Variants in BRCA1 observed in about 807,000 individuals in gnomAD.
BRCA1 encodes breast cancer type 1 susceptibility protein.
Under a neutral mutation model 173.7 loss-of-function variants are expected in BRCA1, and 140 were observed. The ratio of observed to expected loss-of-function variants is 0.81; its 90% confidence interval spans 0.70 to 0.93. The LOEUF (loss-of-function observed/expected upper bound fraction) is 0.93. Among genes scored for constraint, BRCA1 ranks in the 40% least tolerant of loss-of-function variants. The probability of loss-of-function intolerance (pLI) is 0.00; values close to 1 mark genes in which losing one functional copy is unlikely to be tolerated. For synonymous variants in BRCA1, 662 were observed against 756.0 expected, an observed-to-expected ratio of 0.88 and a Z score of 2.04; for missense variants, 1,983 against 2,172.5, an observed-to-expected ratio of 0.91 and a Z score of 1.73.
At chr17:43,082,999 T>C (rs2053088117) in intron 11 of BRCA1, among the ~76,000 whole-genome samples, 1 of 152,284 alleles carries the variant, frequency 6.6e-6, no homozygotes, top group Middle Eastern at 3.4e-3. Flanking sequence ...TTAGTTCATA[T>C]AAAAATGTGT....
In BRCA1 at chr17:43,067,836, ATTTTTTT is replaced by A. The variant is rs11421283; in HGVS notation, c.4987-148_4987-142del. ...CGTGTCCTGGAACTATTTAAAGTGAATTTTTTTTTTTTTTTTTTTAGACAGAGTCTTG... is the reference window on the plus strand; with the variant it reads ...CGTGTCCTGGAACTATTTAAAGTGAATTTTTTTTTTTTAGACAGAGTCTTG... On this transcript the variant is annotated intron_variant, in intron 15 of 22. Transcript: ENST00000357654. 9.3e-5 allele frequency: 20 copies of A among 215,598 alleles called. No individual in the cohort carries two copies. The East Asian group carries it at 1.0e-3, about 11-fold the overall frequency. 13.4% of individuals were successfully genotyped at this position (215,598 alleles called of 1,614,324 possible).
At chr17:43,126,012 G>A (rs1327730209), upstream of BRCA1, among the ~76,000 whole-genome samples, 2 of 152,134 alleles carry the variant, frequency 1.3e-5, no homozygotes, top group Non-Finnish European at 2.9e-5. Context: ...TATTTTGAAA[G>A]CAGAAACTAG....
intron 1 of BRCA1, chr17:43,144,718 G>A (rs1316265908): frequency 4.2e-6 from 1 of 238,670 alleles, no homozygotes; most frequent in African/African-American, 2.3e-5. Context: ...TTTAATATAA[G>A]AAAAATAAGA....
At chr17:43,129,699 C>T (rs959738831), upstream of BRCA1, among the ~76,000 whole-genome samples, 1 of 152,204 alleles carries the variant, frequency 6.6e-6, no homozygotes, top group Non-Finnish European at 1.5e-5. Context: ...TGACCTCGAT[C>T]TCCTGACCTC....
At position 43,119,976 on chromosome 17, in the gene BRCA1, G is replaced by C. The variant is rs186936074; in HGVS notation, c.80+4041C>G. ...AAAAAATTAAAATGTTCCCCTTCTAGGTCCTGATGAGAGTAAATGTTTACT... is the reference window on the plus strand; with the variant it reads ...AAAAAATTAAAATGTTCCCCTTCTACGTCCTGATGAGAGTAAATGTTTACT... On this transcript the variant is annotated intron_variant, in intron 2 of 22. Transcript: ENST00000357654. Among the ~76,000 whole-genome samples the C allele has an allele frequency of 1.3e-3, 200 of 152,288 alleles. No individual in the cohort carries two copies. Among genetic ancestry groups the C allele is most frequent in the African/African-American group, 4.6e-3 (192 of 41,544 alleles).
In BRCA1 at chr17:43,063,381, G is replaced by T. The variant is rs1060504570; in HGVS notation, c.5153-8C>A. On this transcript the variant is annotated splice_polypyrimidine_tract_variant and splice_region_variant and intron_variant, in intron 17 of 22. Transcript: ENST00000357654. ...TAATAGACTGGGTCACCCCTAAAGA[G>T]ATCATAGAAAAGACAGGTTACATAC... 1.2e-6 allele frequency: 2 copies of T among 1,610,086 alleles called. No homozygotes were observed. Among genetic ancestry groups the T allele is most frequent in the Non-Finnish European group, 8.5e-7 (1 of 1,176,804 alleles).
intron 1 of BRCA1, among the ~76,000 whole-genome samples, chr17:43,143,961 C>A (rs1236343855): frequency 6.6e-6 from 1 of 152,154 alleles, no homozygotes; most frequent in East Asian, 1.9e-4. Flanking sequence ...TGGCTCAGTC[C>A]TGTAATCCCA....
chr17:43,061,575 T>A (rs1327160956), intron 18 of BRCA1, among the ~76,000 whole-genome samples: 1 of 151,950 alleles, frequency 6.6e-6, no homozygotes, highest in African/African-American at 2.4e-5. Context: ...CACAATAGTT[T>A]ATAAAATTAC....
intron 11 of BRCA1, among the ~76,000 whole-genome samples, chr17:43,089,549 CTTTT>C (rs869038623): frequency 8.2e-6 from 1 of 121,724 alleles, no homozygotes; most frequent in Admixed American, 8.5e-5. Flanking sequence ...TGTGTACTTT[CTTTT>C]TTTTTTTTTT....
In BRCA1 at chr17:43,092,598, T is replaced by C. The variant is rs863224756; in HGVS notation, c.2933A>G (p.Tyr978Cys). The change falls in exon 10 of 23, where the codon TAT (tyrosine) becomes TGT (cysteine). Residue 978 changes from tyrosine (Y) to cysteine (C), a missense_variant. Tyr to Cys is a radical substitution (Grantham distance 194). Coordinates refer to ENST00000357654, the MANE Select transcript of BRCA1 (RefSeq NM_007294.4). The part of the protein sequence containing the change: ...PNKHGLLQNP[Y>C]RIPPLFPIKS... ...GATGGGAAAAAGTGGTGGTATACGATATGGGTTTTGTAAAAGTCCATGTTT... is the reference window on the plus strand; with the variant it reads ...GATGGGAAAAAGTGGTGGTATACGACATGGGTTTTGTAAAAGTCCATGTTT... 3.1e-6 allele frequency: 5 copies of C among 1,614,098 alleles called. No individual in the cohort carries two copies. Among genetic ancestry groups the C allele is most frequent in the South Asian group, 1.1e-5 (1 of 91,076 alleles).
Position 43,094,871 on chromosome 17 carries a change from A to G in BRCA1, c.671-11T>C, listed in dbSNP as rs1597880676. 14 of 1,598,090 alleles carry G rather than the reference A, an allele frequency of 8.8e-6. No individual in the cohort carries two copies. Among genetic ancestry groups the G allele is most frequent in the Non-Finnish European group, 1.2e-5 (14 of 1,170,960 alleles). The stretch of plus-strand genomic sequence containing the variant: ...AAAATTCACAAGCAGCTGAAAATAT[A>G]CAAAAATAACAAGGTACTCAAAAAC... On this transcript the variant is annotated splice_polypyrimidine_tract_variant and intron_variant, in intron 9 of 22. Coordinates refer to ENST00000357654, the MANE Select transcript of BRCA1 (RefSeq NM_007294.4).
intron 19 of BRCA1, among the ~76,000 whole-genome samples, chr17:43,052,699 G>GA (rs1475717261): frequency 1.3e-5 from 2 of 151,322 alleles, no homozygotes; most frequent in African/African-American, 2.4e-5. Context: ...CTGCGATAGA[G>GA]AAAAAAATCA....
rs148509734 is a variant in BRCA1 at position 43,051,983 on chromosome 17, C to G, written c.5278-866G>C. ...CTAAACATCTGTTCCTTCCTTCTCA[C>G]TACTCTGAGAATGGCCATTGTATCT... On this transcript the variant is annotated intron_variant, in intron 19 of 22. Transcript: ENST00000357654. Among the ~76,000 whole-genome samples, 109 of 152,274 alleles carry G rather than the reference C, an allele frequency of 7.2e-4. No individual in the cohort carries two copies. The East Asian group carries it at 0.019, about 27-fold the overall frequency.
chr17:43,117,053 T>C (rs1017218666), intron 2 of BRCA1, among the ~76,000 whole-genome samples: 2 of 152,226 alleles, frequency 1.3e-5, no homozygotes, highest in African/African-American at 4.8e-5. Flanking sequence ...TACTGTGTAC[T>C]CTTATTAGAT....
chr17:43,153,674 A>C (rs1489535564), intron 1 of BRCA1: 1 of 152,096 alleles, frequency 6.6e-6, no homozygotes, highest in Non-Finnish European at 1.5e-5. Context: ...CAATCCCATC[A>C]GTCTCTCTGA....
intron 7 of BRCA1, 105 bp from the exon 8 acceptor site, chr17:43,097,394 C>T: frequency 2.0e-6 from 2 of 975,654 alleles, no homozygotes; most frequent in Non-Finnish European, 3.3e-6. Context: ...GAAATATTTA[C>T]TGAGCATCTA....
chr17:43,094,724 C>T lies in BRCA1; in HGVS notation c.807G>A (p.Leu269=), dbSNP rs149867679. ...EKYQGSSVSN[L]HVEPCGTNTH... ...TATTTGTGCCACATGGCTCCACATGCAAGTTTGAAACAGAACTACCCTGAT... is the reference window on the plus strand; with the variant it reads ...TATTTGTGCCACATGGCTCCACATGTAAGTTTGAAACAGAACTACCCTGAT... Residue 269 remains leucine (L), a synonymous_variant, in exon 10 of 23, where the codon TTG becomes TTA. Transcript: ENST00000357654. The T allele has an allele frequency of 4.8e-5, 77 of 1,611,378 alleles. No individual in the cohort carries two copies. In the African/African-American group the frequency reaches 8.4e-4, roughly 18 times the overall value.
chr17:43,091,376 A>G, intron 10 of BRCA1, 59 bp downstream of exon 10: 1 of 1,600,474 alleles, frequency 6.2e-7, no homozygotes, highest in Non-Finnish European at 8.6e-7. Flanking sequence ...CAAAAGCATA[A>G]ACATTTAGCT....
At chr17:43,062,136 A>G (rs2051790249) in intron 18 of BRCA1, among the ~76,000 whole-genome samples, 1 of 152,002 alleles carries the variant, frequency 6.6e-6, no homozygotes, top group Non-Finnish European at 1.5e-5. Context: ...GCTCTGTGCA[A>G]GTGCAAGAGT....
Sources: gnomAD v4.1 joint callset for allele counts (sites outside exome capture counted in the v4.1 genomes callset) on GRCh38, gnomAD v4.1.1 for gene constraint, MANE v1.5 for transcripts, NCBI Gene and HGNC (gene_info 2026-07-23, HGNC 2026-07-21) for gene names.